The following ZNF423 variants were observed in gnomAD, a reference collection of about 807,000 sequenced individuals.
ZNF423 encodes the protein zinc finger protein 423, also known as Ebf-associated zinc finger protein.
Under a neutral mutation model 95.8 loss-of-function variants are expected in ZNF423, and 12 were observed. The ratio of observed to expected loss-of-function variants is 0.13; its 90% CI spans 0.08 to 0.20. The LOEUF (loss-of-function observed/expected upper bound fraction) is 0.20. Ranked by LOEUF, ZNF423 falls within the 10% of genes least tolerant of loss-of-function variation. The pLI is 1.00. For missense variants in ZNF423, 1,316 were observed against 1,737.1 expected, an observed-to-expected ratio of 0.76 and a Z score of 4.31; for synonymous variants, 749 against 711.9, an observed-to-expected ratio of 1.05 and a Z score of -0.83.
In ZNF423 at chr16:49,778,091, C is replaced by T. The variant is rs117472348; in HGVS notation, c.100+11396G>A. 9.3e-3 allele frequency among the ~76,000 whole-genome samples: 1,422 copies of T among 152,240 alleles called. 11 individuals carry two copies. The highest frequency in any genetic ancestry group is 0.015 in the Non-Finnish European group (1,019 of 68,024). On this transcript the variant is annotated intron_variant, in intron 2 of 7. Coordinates refer to ENST00000563137, the MANE Select transcript of ZNF423 (RefSeq NM_001379286.1). ...GCAGCCATCAGTTAAAGCAATCAAC[C>T]ATGACAAAGGAGAACAAATTATCAG...
chr16:49,835,412 C>T (rs1236703801), intron 1 of ZNF423, among the ~76,000 whole-genome samples: 3 of 152,212 alleles, frequency 2.0e-5, no homozygotes, highest in African/African-American at 7.2e-5. Flanking sequence ...GGCCCCACAT[C>T]CCCGCAGAGG....
At chr16:49,827,554 C>A (rs1312696762) in intron 1 of ZNF423, among the ~76,000 whole-genome samples, 1 of 151,768 alleles carries the variant, frequency 6.6e-6, no homozygotes, top group African/African-American at 2.4e-5. Flanking sequence ...CTCATTCTAT[C>A]TCCCAGGCTG....
intron 2 of ZNF423, among the ~76,000 whole-genome samples, chr16:49,740,347 A>G (rs1251033122): frequency 6.6e-6 from 1 of 152,070 alleles, no homozygotes; most frequent in Non-Finnish European, 1.5e-5. Context: ...TCCTCCATGA[A>G]CACTCTCTCA....
intron 2 of ZNF423, among the ~76,000 whole-genome samples, chr16:49,734,264 C>G (rs1032672127): frequency 1.3e-5 from 2 of 152,252 alleles, no homozygotes; most frequent in Non-Finnish European, 2.9e-5. Context: ...GCTGCTCTGT[C>G]CAGCCCCAGA....
chr16:49,618,182 A>G lies in ZNF423; in HGVS notation c.3601+7988T>C, dbSNP rs1051481602. Among the ~76,000 whole-genome samples, 41 of 152,234 alleles carry G rather than the reference A, an allele frequency of 2.7e-4. 1 individual carries two copies. The highest frequency in any genetic ancestry group is 2.9e-5 in the Non-Finnish European group (2 of 68,034). On this transcript the variant is annotated intron_variant, in intron 5 of 7. Transcript: ENST00000563137. ...TTCAGGTCCCTACCCTGAAACTAGCAACATTGGACATGACACCTCAACTCC... is the reference window on the plus strand; with the variant it reads ...TTCAGGTCCCTACCCTGAAACTAGCGACATTGGACATGACACCTCAACTCC...
At chr16:49,750,061 G>A (rs1053447398) in intron 2 of ZNF423, among the ~76,000 whole-genome samples, 10 of 152,178 alleles carry the variant, frequency 6.6e-5, no homozygotes, top group African/African-American at 1.7e-4. Context: ...ATACCTTGCC[G>A]AACAGCCCAT....
chr16:49,751,556 G>A (rs551561221), intron 2 of ZNF423, among the ~76,000 whole-genome samples: 8 of 152,304 alleles, frequency 5.3e-5, no homozygotes, highest in African/African-American at 1.9e-4. Context: ...TTTCTAACAT[G>A]AGAGTTCTGA....
intron 1 of ZNF423, among the ~76,000 whole-genome samples, chr16:49,797,140 G>A (rs915503837): frequency 2.0e-5 from 3 of 150,148 alleles, no homozygotes; most frequent in Admixed American, 2.0e-4. Context: ...AACAGGTAAA[G>A]GGGACAGCGA....
At chr16:49,834,144 C>T (rs1008343558) in intron 1 of ZNF423, among the ~76,000 whole-genome samples, 1 of 152,052 alleles carries the variant, frequency 6.6e-6, no homozygotes, top group Admixed American at 6.6e-5. Flanking sequence ...GATGTTAGGG[C>T]GAAGAAAAAT....
At chr16:49,841,832 T>G (rs947591864) in intron 1 of ZNF423, among the ~76,000 whole-genome samples, 6 of 152,098 alleles carry the variant, frequency 3.9e-5, no homozygotes, top group Admixed American at 6.5e-5. Flanking sequence ...AGGATTTACA[T>G]GGAAGGATGG....
intron 4 of ZNF423, among the ~76,000 whole-genome samples, chr16:49,634,479 G>A (rs893797986): frequency 7.2e-5 from 11 of 152,034 alleles, no homozygotes; most frequent in Non-Finnish European, 1.3e-4. Context: ...GGCCCCTTCC[G>A]CTGTGGGGTC....
chr16:49,759,648 A>C (rs2033791179), intron 2 of ZNF423, among the ~76,000 whole-genome samples: 1 of 152,232 alleles, frequency 6.6e-6, no homozygotes, highest in Non-Finnish European at 1.5e-5. Context: ...GCACTTCTGC[A>C]AATCCAGACA....
At chr16:49,849,909 T>A (rs564775432) in intron 1 of ZNF423, among the ~76,000 whole-genome samples, 4 of 152,330 alleles carry the variant, frequency 2.6e-5, no homozygotes, top group African/African-American at 9.6e-5. Context: ...CGTCCCGCTG[T>A]CAGCGAGGGC....
chr16:49,854,589 C>T (rs565012260), intron 1 of ZNF423: 1 of 985,312 alleles, frequency 1.0e-6, no homozygotes. Context: ...TCTCATCGTT[C>T]CCCCCTTCCT....
intron 3 of ZNF423, among the ~76,000 whole-genome samples, chr16:49,653,895 G>C (rs1477899356): frequency 6.6e-6 from 1 of 152,174 alleles, no homozygotes; most frequent in Non-Finnish European, 1.5e-5. Flanking sequence ...TTCTAGGTCT[G>C]GGGCATTGTC....
At chr16:49,627,470 C>CA in intron 4 of ZNF423, among the ~76,000 whole-genome samples, 1 of 149,618 alleles carries the variant, frequency 6.7e-6, no homozygotes, top group African/African-American at 2.5e-5. Context: ...CCCATCCATC[C>CA]TCCATCTACC....
chr16:49,846,309 A>AT (rs1437673596), intron 1 of ZNF423, among the ~76,000 whole-genome samples: 2 of 151,824 alleles, frequency 1.3e-5, no homozygotes, highest in Non-Finnish European at 2.9e-5. Context: ...CAAAAAAAAA[A>AT]AAAAAAAAAA....
chr16:49,584,504 T>G (rs1243581894), intron 5 of ZNF423, among the ~76,000 whole-genome samples: 1 of 152,184 alleles, frequency 6.6e-6, no homozygotes, highest in Non-Finnish European at 1.5e-5. Flanking sequence ...ACTCATACGC[T>G]GGGGCTGCCA....
intron 5 of ZNF423, among the ~76,000 whole-genome samples, chr16:49,593,238 G>T (rs1971072100): frequency 6.6e-6 from 1 of 152,072 alleles, no homozygotes; most frequent in African/African-American, 2.4e-5. Context: ...TTCAAGACCA[G>T]CCTGGGCAAC....
Sources: gnomAD v4.1 joint callset for allele counts (sites outside exome capture counted in the v4.1 genomes callset) on GRCh38, gnomAD v4.1.1 for gene constraint, MANE v1.5 for transcripts, NCBI Gene and HGNC (gene_info 2026-07-23, HGNC 2026-07-21) for gene names.